SPATA12: variants seen among roughly 807,000 people sequenced by gnomAD.
SPATA12 encodes spermatogenesis-associated protein 12.
For missense variants in SPATA12, 219 were observed against 226.4 expected (o/e 0.97, Z 0.21); for synonymous variants, 85 against 89.2 (o/e 0.95, Z 0.26).
intron 1 of SPATA12, among the ~76,000 whole-genome samples, chr3:57,064,664 G>T (rs1705426317): frequency 6.6e-6 from 1 of 152,206 alleles, no homozygotes; most frequent in Non-Finnish European, 1.5e-5. Context: ...AGCACATTAT[G>T]CTGAGTGAAA....
chr3:57,074,446 A>G lies in SPATA12; in HGVS notation c.*179A>G. 1.6e-6 allele frequency: 1 copy of G among 610,720 alleles called. No individual in the cohort carries two copies. Among genetic ancestry groups the G allele is most frequent in the Non-Finnish European group, 3.0e-6 (1 of 337,820 alleles). 37.8% of individuals were successfully genotyped at this position (610,720 alleles called of 1,614,324 possible). On this transcript the variant is annotated 3_prime_UTR_variant, in exon 2 of 2. Transcript: ENST00000334325. Reference sequence around the variant, plus strand: ...CTCCCTGTCACACTTCCCCAATATCACAGATGAAGAAATCAAGATTCAGAA... The same window carrying G: ...CTCCCTGTCACACTTCCCCAATATCGCAGATGAAGAAATCAAGATTCAGAA...
intron 1 of SPATA12, among the ~76,000 whole-genome samples, chr3:57,071,849 CA>C (rs1205738346): frequency 6.6e-6 from 1 of 151,874 alleles, no homozygotes; most frequent in Non-Finnish European, 1.5e-5. Flanking sequence ...ACAGAATGGG[CA>C]AAAAATACTT....
intron 1 of SPATA12, among the ~76,000 whole-genome samples, chr3:57,061,126 A>T (rs531028205): frequency 2.0e-5 from 3 of 151,866 alleles, no homozygotes; most frequent in South Asian, 4.2e-4. Flanking sequence ...TTCAGCGGTA[A>T]CTCCTCCTGC....
intron 1 of SPATA12, among the ~76,000 whole-genome samples, chr3:57,061,289 C>T (rs1307654991): frequency 6.6e-6 from 1 of 152,030 alleles, no homozygotes; most frequent in Non-Finnish European, 1.5e-5. Flanking sequence ...GTCAAAAATT[C>T]CTTTATTTAT....
chr3:57,064,936 G>A (rs1289017858), intron 1 of SPATA12, among the ~76,000 whole-genome samples: 1 of 152,196 alleles, frequency 6.6e-6, no homozygotes, highest in African/African-American at 2.4e-5. Context: ...TTTACGTTAT[G>A]TGTGTTTTAT....
At chr3:57,069,376 A>AACAC (rs147675971) in intron 1 of SPATA12, among the ~76,000 whole-genome samples, 51,579 of 146,220 alleles carry the variant, frequency 0.35, 10,494 homozygotes, top group Non-Finnish European at 0.47. Context: ...CTGTCTCTCA[A>AACAC]ACACACACAC....
chr3:57,067,815 T>TAAA (rs542326960), intron 1 of SPATA12, among the ~76,000 whole-genome samples: 2 of 140,034 alleles, frequency 1.4e-5, no homozygotes, highest in African/African-American at 5.2e-5. Context: ...CCGTCTCTAC[T>TAAA]AAAAAAAAAA....
intron 1 of SPATA12, among the ~76,000 whole-genome samples, chr3:57,065,360 A>C (rs956056444): frequency 6.6e-6 from 1 of 152,084 alleles, no homozygotes; most frequent in Non-Finnish European, 1.5e-5. Context: ...ACTAAGGAGG[A>C]TGAGGCAGGA....
At chr3:57,062,170 T>A (rs79624402) in intron 1 of SPATA12, among the ~76,000 whole-genome samples, 1 of 151,840 alleles carries the variant, frequency 6.6e-6, no homozygotes, top group East Asian at 1.9e-4. Flanking sequence ...CTGGAGCAGC[T>A]CAGTCATGTG....
At chr3:57,066,961 A>T (rs1705572636) in intron 1 of SPATA12, among the ~76,000 whole-genome samples, 1 of 152,130 alleles carries the variant, frequency 6.6e-6, no homozygotes, top group South Asian at 2.1e-4. Context: ...TCAACCTCTC[A>T]ATAGATAGAT....
chr3:57,062,151 G>A (rs769516032), intron 1 of SPATA12, among the ~76,000 whole-genome samples: 2 of 111,920 alleles, frequency 1.8e-5, no homozygotes, highest in Non-Finnish European at 3.7e-5. Context: ...GGGATTTGTA[G>A]GAAGATCCCT....
chr3:57,066,347 C>T (rs1472421317), intron 1 of SPATA12, among the ~76,000 whole-genome samples: 6 of 152,022 alleles, frequency 3.9e-5, no homozygotes, highest in East Asian at 1.9e-4. Context: ...CCGCAACCTC[C>T]GCCTCCCAGG....
intron 1 of SPATA12, among the ~76,000 whole-genome samples, chr3:57,069,880 G>C (rs2107393128): frequency 1.3e-5 from 2 of 152,298 alleles, no homozygotes; most frequent in East Asian, 3.9e-4. Context: ...CCTAGCCTGA[G>C]GCAATGCTCC....
At chr3:57,063,255 G>A (rs113148240) in intron 1 of SPATA12, among the ~76,000 whole-genome samples, 57 of 151,398 alleles carry the variant, frequency 3.8e-4, no homozygotes, top group African/African-American at 1.4e-3. Flanking sequence ...GAGTCAGAGA[G>A]GAAATGCAGC....
intron 1 of SPATA12, among the ~76,000 whole-genome samples, chr3:57,068,767 T>C (rs1386421669): frequency 6.6e-6 from 1 of 152,148 alleles, no homozygotes; most frequent in Non-Finnish European, 1.5e-5. Flanking sequence ...CTTCCTTGTT[T>C]TGGGGTTAGG....
chr3:57,062,727 A>T (rs1033219330), intron 1 of SPATA12, among the ~76,000 whole-genome samples: 2 of 152,150 alleles, frequency 1.3e-5, no homozygotes, highest in African/African-American at 4.8e-5. Context: ...CACAACAAAC[A>T]TGCACACACA....
chr3:57,067,845 C>A (rs1236423832), intron 1 of SPATA12, among the ~76,000 whole-genome samples: 1 of 151,460 alleles, frequency 6.6e-6, no homozygotes, highest in Non-Finnish European at 1.5e-5. Context: ...AAAAAATTAG[C>A]CAGGCAAAGT....
chr3:57,068,525 C>T (rs1579211733), intron 1 of SPATA12, among the ~76,000 whole-genome samples: 2 of 152,186 alleles, frequency 1.3e-5, no homozygotes, highest in Admixed American at 6.5e-5. Context: ...CAAGGATTAG[C>T]GAGGCCCTGC....
chr3:57,067,985 G>A lies in SPATA12; in HGVS notation c.-329-5381G>A, dbSNP rs147691048. 1.3e-4 allele frequency among the ~76,000 whole-genome samples: 19 copies of A among 150,684 alleles called. No individual in the cohort carries two copies. The East Asian group carries it at 1.7e-3, about 14-fold the overall frequency. ...AGCCTGGGCGACAGAGCAAGACTCC[G>A]TCTCAAAAAAAACAAAAACAAACAA... On this transcript the variant is annotated intron_variant, in intron 1 of 1. Coordinates refer to ENST00000334325, the MANE Select transcript of SPATA12 (RefSeq NM_181727.2).
Sources: allele counts gnomAD v4.1 joint callset (sites outside exome capture counted in the v4.1 genomes callset), GRCh38; gene constraint gnomAD v4.1.1; transcripts MANE v1.5; gene names NCBI Gene and HGNC (gene_info 2026-07-23, HGNC 2026-07-21).